Variants in WDR70 observed in about 807,000 individuals in gnomAD.
WDR70 encodes the protein WD repeat domain 70, also known as WD repeat-containing protein 70.
Under a neutral mutation model 88.6 loss-of-function variants are expected in WDR70, and 53 were observed. The ratio of observed to expected loss-of-function variants is 0.60; its 90% confidence interval spans 0.48 to 0.75. The LOEUF (loss-of-function observed/expected upper bound fraction) is 0.75. WDR70 is among the 30% of genes least tolerant of loss of function. The pLI is 0.00. For synonymous variants in WDR70, 280 were observed against 270.0 expected (o/e 1.04, Z -0.36); for missense variants, 610 against 823.2 (o/e 0.74, Z 3.17).
At chr5:37,626,338 A>T (rs952666304) in intron 10 of WDR70, among the ~76,000 whole-genome samples, 8 of 152,200 alleles carry the variant, frequency 5.3e-5, no homozygotes, top group Non-Finnish European at 2.9e-5. Context: ...GTTGAATTTT[A>T]TCAAAAGCTA....
At chr5:37,570,993 T>C (rs1742883753) in intron 9 of WDR70, among the ~76,000 whole-genome samples, 1 of 152,024 alleles carries the variant, frequency 6.6e-6, no homozygotes, top group African/African-American at 2.4e-5. Flanking sequence ...ATTGAATTCC[T>C]GAGTTCACCA....
At chr5:37,539,718 T>A (rs1307105627) in intron 9 of WDR70, among the ~76,000 whole-genome samples, 2 of 152,222 alleles carry the variant, frequency 1.3e-5, no homozygotes, top group East Asian at 3.8e-4. Context: ...GTTTGAGGCG[T>A]CTTACCATTC....
intron 10 of WDR70, among the ~76,000 whole-genome samples, chr5:37,670,444 CAAAGTAT>C (rs2112592198): frequency 6.6e-6 from 1 of 152,226 alleles, no homozygotes; most frequent in South Asian, 2.1e-4. Context: ...TACCAAGATA[CAAAGTAT>C]AGAGAAACAG....
At chr5:37,742,435 A>C (rs1343779392) in intron 17 of WDR70, among the ~76,000 whole-genome samples, 1 of 151,934 alleles carries the variant, frequency 6.6e-6, no homozygotes, top group Non-Finnish European at 1.5e-5. Context: ...CCATTTAAAA[A>C]ATTTTTTTAT....
intron 10 of WDR70, among the ~76,000 whole-genome samples, chr5:37,634,863 G>A (rs1309082461): frequency 2.6e-5 from 4 of 152,184 alleles, no homozygotes; most frequent in African/African-American, 9.7e-5. Flanking sequence ...AGGCTGTAAT[G>A]AATTGTTTTG....
intron 3 of WDR70, among the ~76,000 whole-genome samples, chr5:37,383,764 T>C (rs1325636686): frequency 6.6e-6 from 1 of 151,638 alleles, no homozygotes; most frequent in Non-Finnish European, 1.5e-5. Flanking sequence ...TTTGTGTTTT[T>C]AGTAGAGATG....
chr5:37,412,396 A>G (rs573078664), intron 5 of WDR70, among the ~76,000 whole-genome samples: 40 of 152,214 alleles, frequency 2.6e-4, no homozygotes, highest in African/African-American at 8.7e-4. Flanking sequence ...TCAAAGCAAA[A>G]CAAAACAAAA....
chr5:37,715,725 T>C (rs561767356), intron 13 of WDR70, among the ~76,000 whole-genome samples: 1 of 152,362 alleles, frequency 6.6e-6, no homozygotes, highest in Admixed American at 6.5e-5. Flanking sequence ...TTTACTCTCA[T>C]ACTTCCCTGG....
At position 37,547,475 on chromosome 5, in the gene WDR70, A is replaced by G. The variant is rs61573892; in HGVS notation, c.917+30885A>G. 7.4e-3 allele frequency among the ~76,000 whole-genome samples: 1,122 copies of G among 151,976 alleles called. 17 individuals carry two copies. The highest frequency in any genetic ancestry group is 0.025 in the African/African-American group (1,057 of 41,474). On this transcript the variant is annotated intron_variant, in intron 9 of 17. Transcript: ENST00000265107. ...ATTTCTAAATCCCTTCTTTTCTGTT[A>G]TGTTTTTATTTTTAAAGTTTATTTT...
At chr5:37,713,342 T>C (rs1747569992) in intron 13 of WDR70, among the ~76,000 whole-genome samples, 1 of 152,196 alleles carries the variant, frequency 6.6e-6, no homozygotes, top group Admixed American at 6.5e-5. Context: ...ATCCACTCCT[T>C]AGTAGTGCCA....
intron 13 of WDR70, among the ~76,000 whole-genome samples, chr5:37,719,232 A>G (rs1044276072): frequency 2.0e-4 from 30 of 152,078 alleles, no homozygotes; most frequent in African/African-American, 6.8e-4. Context: ...ACCATGAGCT[A>G]TTGATATACT....
At chr5:37,467,185 C>T (rs1739180637) in intron 7 of WDR70, among the ~76,000 whole-genome samples, 1 of 149,574 alleles carries the variant, frequency 6.7e-6, no homozygotes. Context: ...CATGATCGCA[C>T]CACTGTACTC....
At chr5:37,467,499 A>G (rs1344681261) in intron 7 of WDR70, among the ~76,000 whole-genome samples, 1 of 149,454 alleles carries the variant, frequency 6.7e-6, no homozygotes, top group African/African-American at 2.5e-5. Flanking sequence ...ACCTCCCAAT[A>G]TCCTCACTTT....
intron 9 of WDR70, among the ~76,000 whole-genome samples, chr5:37,522,470 CAAAA>C (rs1209419601): frequency 2.4e-5 from 1 of 41,362 alleles, no homozygotes; most frequent in African/African-American, 9.6e-5. Flanking sequence ...GACTCTGTCT[CAAAA>C]AAAAAAAAAA....
chr5:37,689,965 A>G (rs1393110611), intron 10 of WDR70, among the ~76,000 whole-genome samples: 1 of 152,228 alleles, frequency 6.6e-6, no homozygotes, highest in African/African-American at 2.4e-5. Context: ...AAACCTCGAA[A>G]AAAGGTTAGA....
At chr5:37,543,854 C>T (rs779614542) in intron 9 of WDR70, among the ~76,000 whole-genome samples, 5 of 152,128 alleles carry the variant, frequency 3.3e-5, no homozygotes, top group African/African-American at 4.8e-5. Flanking sequence ...CTACAACCTC[C>T]GCCTCCTGGG....
At chr5:37,746,109 C>T (rs1748630118) in intron 17 of WDR70, among the ~76,000 whole-genome samples, 1 of 152,084 alleles carries the variant, frequency 6.6e-6, no homozygotes, top group South Asian at 2.1e-4. Flanking sequence ...TTAGAACTCA[C>T]AATTAAGAAA....
At chr5:37,677,806 C>CATT (rs1746283084) in intron 10 of WDR70, among the ~76,000 whole-genome samples, 2 of 151,428 alleles carry the variant, frequency 1.3e-5, no homozygotes, top group Admixed American at 6.6e-5. Flanking sequence ...CTTTCTGTCT[C>CATT]GATCTGTCTA....
intron 5 of WDR70, among the ~76,000 whole-genome samples, chr5:37,418,277 T>C (rs1233044662): frequency 6.6e-6 from 1 of 152,236 alleles, no homozygotes; most frequent in Non-Finnish European, 1.5e-5. Context: ...TATTTTAAGA[T>C]ATTTTAGTGT....
Sources: allele counts gnomAD v4.1 joint callset (sites outside exome capture counted in the v4.1 genomes callset), GRCh38; gene constraint gnomAD v4.1.1; transcripts MANE v1.5; gene names NCBI Gene and HGNC (gene_info 2026-07-23, HGNC 2026-07-21).